Variants in NEURL1B observed in about 807,000 individuals in gnomAD.
The protein encoded by NEURL1B is E3 ubiquitin-protein ligase NEURL1B.
Under a neutral mutation model 37.4 loss-of-function variants are expected in NEURL1B, and 13 were observed. The ratio of observed to expected loss-of-function variants is 0.35; its 90% CI spans 0.23 to 0.55. NEURL1B has a LOEUF of 0.55. NEURL1B is among the 20% of genes least tolerant of loss of function. NEURL1B has a pLI of 0.89. For synonymous variants in NEURL1B, 432 were observed against 426.6 expected, an observed-to-expected ratio of 1.01 and a Z score of -0.16; for missense variants, 790 against 879.2, an observed-to-expected ratio of 0.90 and a Z score of 1.28.
chr5:172,675,252 GTTTTTC>G lies in NEURL1B; in HGVS notation c.577+4929_577+4934del, dbSNP rs1345005948. Reference sequence around the variant, plus strand: ...GGTATTGTGCTAAGGACCTTATTCTGTTTTTCTTTTTCCACTCACCCTTCTTTAGGA... The same window carrying G: ...GGTATTGTGCTAAGGACCTTATTCTGTTTTTCCACTCACCCTTCTTTAGGA... On this transcript the variant is annotated intron_variant, in intron 2 of 4. Coordinates refer to ENST00000369800, the MANE Select transcript of NEURL1B (RefSeq NM_001142651.3). The surrounding 1 kb of genome is among the most constrained non-coding windows in gnomAD (Gnocchi z 4.7). Among the ~76,000 whole-genome samples the G allele has an allele frequency of 6.6e-6, 1 of 152,112 alleles. No homozygotes were observed. The highest frequency in any genetic ancestry group is 1.5e-5 in the Non-Finnish European group (1 of 68,008).
intron 1 of NEURL1B, among the ~76,000 whole-genome samples, chr5:172,668,171 C>G (rs1758050815): frequency 1.3e-5 from 2 of 152,050 alleles, no homozygotes; most frequent in Admixed American, 6.5e-5. Context: ...TGACTTTGCC[C>G]ACTGGAACGT....
Position 172,660,012 on chromosome 5 carries a change from C to T in NEURL1B, c.32-9773C>T, listed in dbSNP as rs79734577. On this transcript the variant is annotated intron_variant, in intron 1 of 4. Transcript: ENST00000369800. ...TGGTCTCAGCTCGAGGGGGCGGGGA[C>T]AGTGTGTGACTTGTCAGTGCATGTA... 2.7e-3 allele frequency among the ~76,000 whole-genome samples: 406 copies of T among 152,290 alleles called. 1 individual carries two copies. Among genetic ancestry groups the T allele is most frequent in the African/African-American group, 9.0e-3 (375 of 41,546 alleles).
Position 172,683,390 on chromosome 5 carries a change from C to A in NEURL1B, c.578-29C>A. ...ACCAGCCTGACGCGCGGCCTCTCCC[C>A]CTCCATGTCCCTCCCTTTGTCCGCA... On this transcript the variant is annotated intron_variant, in intron 2 of 4. Transcript: ENST00000369800. The surrounding 1 kb of genome is among the most constrained non-coding windows in gnomAD (Gnocchi z 5.6). 1 of 1,292,166 alleles carries A rather than the reference C, an allele frequency of 7.7e-7. No homozygotes were observed. Among genetic ancestry groups the A allele is most frequent in the South Asian group, 2.2e-5 (1 of 45,834 alleles). 80.0% of individuals were successfully genotyped at this position (1,292,166 alleles called of 1,614,324 possible). A position where few individuals can be genotyped will look rare whatever the true frequency, so the allele number is the denominator to read the frequency against.
Position 172,641,540 on chromosome 5 carries a change from C to T in NEURL1B, c.31+103C>T, listed in dbSNP as rs1274120347. On this transcript the variant is annotated intron_variant, in intron 1 of 4. Transcript: ENST00000369800. The surrounding 1 kb of genome is among the most constrained non-coding windows in gnomAD (Gnocchi z 6.4). ...GCTACCCCACGGCCCTTGGAGCCCTCGGCTCGCAGCGGGCTGGAGTCTCCG... is the reference window on the plus strand; with the variant it reads ...GCTACCCCACGGCCCTTGGAGCCCTTGGCTCGCAGCGGGCTGGAGTCTCCG... The T allele has an allele frequency of 1.5e-5, 15 of 1,016,300 alleles. No individual in the cohort carries two copies. In the South Asian group the frequency reaches 1.7e-4, roughly 12 times the overall value. The allele number at this position is 1,016,300 out of a possible 1,614,324, so 63.0% of individuals were successfully genotyped here.
At position 172,670,133 on chromosome 5, in the gene NEURL1B, GC is replaced by G; in HGVS notation, c.381del (p.Tyr128ThrfsTer31). 6.6e-7 allele frequency: 1 copy of G among 1,513,692 alleles called. No individual in the cohort carries two copies. The highest frequency in any genetic ancestry group is 8.8e-7 in the Non-Finnish European group (1 of 1,137,530). The allele number at this position is 1,513,692 out of a possible 1,614,324, so 93.8% of individuals were successfully genotyped here. ...YACPDLVTRP[G>X]YWAKALPENL... ...TGCCCGGACCTGGTCACGCGGCCGG[GC>G]TACTGGGCCAAGGCACTGCCCGAGA... On this transcript the variant is annotated frameshift_variant, in exon 2 of 5. Transcript: ENST00000369800. LOFTEE classifies it high-confidence loss of function.
intron 1 of NEURL1B, among the ~76,000 whole-genome samples, chr5:172,642,539 C>G (rs1255918587): frequency 6.6e-6 from 1 of 152,188 alleles, no homozygotes; most frequent in Non-Finnish European, 1.5e-5. Flanking sequence ...GGACATATCA[C>G]CCCATCTCTG....
At chr5:172,672,801 T>C (rs1250025943) in intron 2 of NEURL1B, among the ~76,000 whole-genome samples, 1 of 151,978 alleles carries the variant, frequency 6.6e-6, no homozygotes, top group African/African-American at 2.4e-5. Context: ...AACACAAACA[T>C]ATATAAAAGA....
At chr5:172,667,954 C>T (rs536760959) in intron 1 of NEURL1B, among the ~76,000 whole-genome samples, 2 of 150,360 alleles carry the variant, frequency 1.3e-5, no homozygotes, top group Non-Finnish European at 2.9e-5. Context: ...AGGGCCTTTG[C>T]ACTTGCTGTA....
chr5:172,659,917 C>T (rs1240284553), intron 1 of NEURL1B, among the ~76,000 whole-genome samples: 1 of 152,220 alleles, frequency 6.6e-6, no homozygotes, highest in East Asian at 1.9e-4. Context: ...GAAGCTGTCG[C>T]CACTGCCCCA....
In NEURL1B at chr5:172,686,339, G is replaced by A. The variant is rs776026019; in HGVS notation, c.1423+43G>A. ...CTGGCAGGGGCAGGGGCTGGCGGCT[G>A]GCCTGGCTCCTCCGGCTGTGCCAGT... On this transcript the variant is annotated intron_variant, in intron 4 of 4. Coordinates refer to ENST00000369800, the MANE Select transcript of NEURL1B (RefSeq NM_001142651.3). This position sits in a 1 kb window ranked among gnomAD's most constrained non-coding sequence, Gnocchi z 7.9. The A allele has an allele frequency of 3.2e-6, 5 of 1,545,990 alleles. No individual in the cohort carries two copies. In the East Asian group the frequency reaches 1.2e-4, roughly 38 times the overall value.
In NEURL1B at chr5:172,686,254, T is replaced by C. The variant is rs1758494142; in HGVS notation, c.1381T>C (p.Phe461Leu). The change falls in exon 4 of 5, where the codon TTC (phenylalanine) becomes CTC (leucine). Residue 461 changes from phenylalanine (F) to leucine (L), a missense_variant. By Grantham distance (22) the Phe-to-Leu change is conservative. Around this residue, in one of 3 missense-constraint regions of NEURL1B, gnomAD observed 115 missense variants for 162.6 expected, o/e 0.71. Coordinates refer to ENST00000369800, the MANE Select transcript of NEURL1B (RefSeq NM_001142651.3). The surrounding 1 kb of genome is among the most constrained non-coding windows in gnomAD (Gnocchi z 7.9). ...SQDDSDSDMT[F>L]SVNQSSSASE... ...GGACGATAGTGATTCAGATATGACC[T>C]TCAGTGTCAACCAGTCCTCCTCGGC... 6.4e-7 allele frequency: 1 copy of C among 1,551,552 alleles called. No homozygotes were observed. Among genetic ancestry groups the C allele is most frequent in the Non-Finnish European group, 8.7e-7 (1 of 1,146,988 alleles).
Position 172,669,928 on chromosome 5 carries a change from G to A in NEURL1B, c.175G>A (p.Ala59Thr). Reference sequence around the variant, plus strand: ...GCGGCTGGACGGCCACTCGCGCCGGGCCACACGGCGCAACAGCTTCTGCAA... The same window carrying A: ...GCGGCTGGACGGCCACTCGCGCCGGACCACACGGCGCAACAGCTTCTGCAA... ...NVRLDGHSRR[A>T]TRRNSFCNGV... The change falls in exon 2 of 5, where the codon GCC (alanine) becomes ACC (threonine). Residue 59 changes from alanine to threonine, a missense_variant. Transcript: ENST00000369800. 1 of 1,453,986 alleles carries A rather than the reference G, an allele frequency of 6.9e-7. No homozygotes were observed. Among genetic ancestry groups the A allele is most frequent in the Non-Finnish European group, 9.0e-7 (1 of 1,108,676 alleles). 90.1% of individuals were successfully genotyped at this position (1,453,986 alleles called of 1,614,324 possible).
intron 1 of NEURL1B, among the ~76,000 whole-genome samples, chr5:172,668,326 T>C (rs916451380): frequency 6.6e-6 from 1 of 152,234 alleles, no homozygotes; most frequent in Admixed American, 6.5e-5. Context: ...CTTTCTAATG[T>C]GGAACCTTGG....
Position 172,687,870 on chromosome 5 carries a change from TC to T in NEURL1B, c.*947del, listed in dbSNP as rs1758544705. 1 of 152,158 alleles carries T rather than the reference TC, an allele frequency of 6.6e-6. No individual in the cohort carries two copies. Among genetic ancestry groups the T allele is most frequent in the Admixed American group, 6.5e-5 (1 of 15,282 alleles). 9.4% of individuals were successfully genotyped at this position (152,158 alleles called of 1,614,324 possible). ...CCACGATGCAGACAGCTCTCTACCT[TC>T]CTGTGGTGGCCCCTGGGCCTGGCAT... On this transcript the variant is annotated 3_prime_UTR_variant, in exon 5 of 5. Transcript: ENST00000369800.
Position 172,683,683 on chromosome 5 carries a change from G to T in NEURL1B, c.842G>T (p.Arg281Leu). The T allele has an allele frequency of 7.5e-7, 1 of 1,337,728 alleles. No individual in the cohort carries two copies. Among genetic ancestry groups the T allele is most frequent in the Non-Finnish European group, 9.7e-7 (1 of 1,035,796 alleles). 82.9% of individuals were successfully genotyped at this position (1,337,728 alleles called of 1,614,324 possible). ...CCGGCGCTACTGGAGGCCGACCTGCGCTTCCACGCAACACGCGGGCCCGAC... is the reference window on the plus strand; with the variant it reads ...CCGGCGCTACTGGAGGCCGACCTGCTCTTCCACGCAACACGCGGGCCCGAC... ...SSPALLEADL[R>L]FHATRGPDVS... Residue 281 changes from arginine to leucine, a missense_variant, in exon 3 of 5, where the codon CGC becomes CTC. This residue lies in a region of NEURL1B where 460 missense variants were observed against 407.4 expected (regional missense o/e 1.13). Coordinates refer to ENST00000369800, the MANE Select transcript of NEURL1B (RefSeq NM_001142651.3). This position sits in a 1 kb window ranked among gnomAD's most constrained non-coding sequence, Gnocchi z 5.6.
At position 172,665,730 on chromosome 5, in the gene NEURL1B, C is replaced by T. The variant is rs897576837; in HGVS notation, c.32-4055C>T. Among the ~76,000 whole-genome samples the T allele has an allele frequency of 6.6e-6, 1 of 151,990 alleles. No individual in the cohort carries two copies. The highest frequency in any genetic ancestry group is 2.1e-4 in the South Asian group (1 of 4,804). ...AGCCTCCCCCTGCCTCTGCCCCTAC[C>T]GTTCCCCTCTGCTCCCTCTCCTCCC... On this transcript the variant is annotated intron_variant, in intron 1 of 4. Transcript: ENST00000369800. The surrounding 1 kb of genome is among the most constrained non-coding windows in gnomAD (Gnocchi z 4.1).
intron 1 of NEURL1B, 75 bp from the exon 2 acceptor site, chr5:172,669,710 T>G: frequency 9.7e-7 from 1 of 1,034,388 alleles, no homozygotes; most frequent in Non-Finnish European, 1.2e-6. Context: ...ATGAAAATGA[T>G]TGTTAAGTAA....
rs1418991406 is a variant in NEURL1B at position 172,657,987 on chromosome 5, T to C, written c.32-11798T>C. On this transcript the variant is annotated intron_variant, in intron 1 of 4. Coordinates refer to ENST00000369800, the MANE Select transcript of NEURL1B (RefSeq NM_001142651.3). This position sits in a 1 kb window ranked among gnomAD's most constrained non-coding sequence, Gnocchi z 4.0. ...AAACGCTGACATATGCTGCCTTCTC[T>C]GTCTGCTTCAGCTACCTAAGAGGGA... Among the ~76,000 whole-genome samples the C allele has an allele frequency of 6.6e-6, 1 of 152,230 alleles. No homozygotes were observed. Among genetic ancestry groups the C allele is most frequent in the Admixed American group, 6.5e-5 (1 of 15,286 alleles).
intron 2 of NEURL1B, among the ~76,000 whole-genome samples, chr5:172,680,468 G>A (rs184362838): frequency 5.9e-5 from 9 of 152,332 alleles, no homozygotes; most frequent in East Asian, 1.9e-4. Context: ...AGGGGCGGGC[G>A]ACTGTGAGTG....
Sources: gnomAD v4.1 joint callset for allele counts (sites outside exome capture counted in the v4.1 genomes callset) on GRCh38, gnomAD v4.1.1 for gene constraint, gnomAD v4.1.1 regional missense constraint, Gnocchi (gnomAD v3.1) non-coding constraint, MANE v1.5 for transcripts, NCBI Gene and HGNC (gene_info 2026-07-23, HGNC 2026-07-21) for gene names.